Variants in PEAK1 observed in about 807,000 individuals in gnomAD.
The protein encoded by PEAK1 is pseudopodium enriched atypical kinase 1, also known as inactive tyrosine-protein kinase PEAK1.
PEAK1 carries 54 observed loss-of-function variants against 124.7 expected under a neutral mutation model. The observed-to-expected ratio is 0.43, with a 90% CI of 0.35 to 0.54. PEAK1 has a LOEUF of 0.54. PEAK1 is among the 20% of genes least tolerant of loss of function. The pLI, the probability that PEAK1 is intolerant of heterozygous loss-of-function variation, is 0.01. For synonymous variants in PEAK1, 719 were observed against 760.0 expected (o/e 0.95, Z 0.89); for missense variants, 2,046 against 2,134.5 (o/e 0.96, Z 0.82).
At chr15:77,166,902 T>A (rs77281472) in intron 7 of PEAK1, among the ~76,000 whole-genome samples, 3,290 of 152,308 alleles carry the variant, frequency 0.022, 118 homozygotes, top group African/African-American at 0.074. Flanking sequence ...ATTATGCCAA[T>A]GGCTACCAAA....
intron 6 of PEAK1, among the ~76,000 whole-genome samples, chr15:77,218,733 C>T (rs1316090376): frequency 6.6e-6 from 1 of 152,092 alleles, no homozygotes; most frequent in East Asian, 1.9e-4. Flanking sequence ...ATGGCACACA[C>T]CACTGCACTC....
intron 2 of PEAK1, among the ~76,000 whole-genome samples, chr15:77,329,361 A>G (rs1306949434): frequency 1.3e-5 from 2 of 152,166 alleles, no homozygotes; most frequent in East Asian, 3.8e-4. Context: ...AGAACACTCA[A>G]GTTAGGCTTC....
intron 2 of PEAK1, among the ~76,000 whole-genome samples, chr15:77,308,951 A>C (rs995353016): frequency 2.0e-5 from 3 of 152,096 alleles, no homozygotes; most frequent in Admixed American, 2.0e-4. Flanking sequence ...AAAAAAATCC[A>C]AAAAAAGCAG....
At chr15:77,166,175 G>A (rs533413541) in intron 7 of PEAK1, among the ~76,000 whole-genome samples, 132 of 152,282 alleles carry the variant, frequency 8.7e-4, no homozygotes, top group Non-Finnish European at 1.6e-3. Context: ...AATTGAAGCT[G>A]CTCTAGCTAT....
At chr15:77,154,499 T>C (rs1335132743) in intron 8 of PEAK1, among the ~76,000 whole-genome samples, 3 of 152,222 alleles carry the variant, frequency 2.0e-5, no homozygotes, top group Non-Finnish European at 4.4e-5. Flanking sequence ...AAAGTTAATA[T>C]TGTTATGTGT....
intron 6 of PEAK1, among the ~76,000 whole-genome samples, chr15:77,194,134 C>T (rs1054659127): frequency 1.3e-5 from 2 of 152,178 alleles, no homozygotes; most frequent in African/African-American, 4.8e-5. Context: ...GACATTCAGA[C>T]TGGGTCAACT....
intron 1 of PEAK1, among the ~76,000 whole-genome samples, chr15:77,379,541 C>T (rs1440765869): frequency 6.6e-6 from 1 of 152,138 alleles, no homozygotes; most frequent in Non-Finnish European, 1.5e-5. Context: ...GCTGGACATA[C>T]TAGGCTAGGG....
At chr15:77,243,427 T>C (rs2060443872) in intron 6 of PEAK1, among the ~76,000 whole-genome samples, 1 of 152,228 alleles carries the variant, frequency 6.6e-6, no homozygotes, top group Non-Finnish European at 1.5e-5. Flanking sequence ...CATCCGATTA[T>C]TTATTTCTTT....
At chr15:77,358,074 A>ATCT (rs953717929) in intron 2 of PEAK1, among the ~76,000 whole-genome samples, 16 of 152,314 alleles carry the variant, frequency 1.1e-4, no homozygotes, top group African/African-American at 3.9e-4. Context: ...TTCCCTCAGA[A>ATCT]GAAAGAAGCC....
chr15:77,280,111 T>A (rs1348266002), intron 5 of PEAK1, among the ~76,000 whole-genome samples: 9 of 151,844 alleles, frequency 5.9e-5, no homozygotes, highest in Admixed American at 5.9e-4. Flanking sequence ...GAGGCTGAGG[T>A]GGGAGGATCA....
At position 77,110,128 on chromosome 15, in the gene PEAK1, A is replaced by C. The variant is rs547197840; in HGVS notation, c.*4028T>G. On this transcript the variant is annotated 3_prime_UTR_variant, in exon 10 of 10. Coordinates refer to ENST00000682557, the MANE Select transcript of PEAK1 (RefSeq NM_001385026.1). ...ACTTTTTTTTGAGACGAAGTTGCTC[A>C]ATCTCCCAGGCTGGAGTGCGATGGC... 4 of 152,270 alleles carry C rather than the reference A, an allele frequency of 2.6e-5. No homozygotes were observed. The South Asian group carries it at 6.2e-4, about 24-fold the overall frequency. The allele number at this position is 152,270 out of a possible 1,614,324, so 9.4% of individuals were successfully genotyped here.
intron 1 of PEAK1, among the ~76,000 whole-genome samples, chr15:77,375,809 C>T (rs911979242): frequency 1.3e-5 from 2 of 152,070 alleles, no homozygotes; most frequent in African/African-American, 4.8e-5. Flanking sequence ...TCCTGGCTAA[C>T]ACGGTGAAAC....
intron 9 of PEAK1, among the ~76,000 whole-genome samples, chr15:77,120,158 C>T (rs754759646): frequency 2.6e-5 from 4 of 152,160 alleles, no homozygotes; most frequent in Admixed American, 6.5e-5. Flanking sequence ...CCAAAGGTTC[C>T]GTGAAGTGCT....
chr15:77,318,282 T>C (rs2064997123), intron 2 of PEAK1, among the ~76,000 whole-genome samples: 1 of 152,180 alleles, frequency 6.6e-6, no homozygotes, highest in Admixed American at 6.5e-5. Context: ...TTGTAAGATG[T>C]TATGATTGGG....
At chr15:77,141,633 A>G (rs1440084705) in intron 8 of PEAK1, among the ~76,000 whole-genome samples, 1 of 152,224 alleles carries the variant, frequency 6.6e-6, no homozygotes, top group Non-Finnish European at 1.5e-5. Context: ...AACTTATTAC[A>G]AAATTATAGT....
At chr15:77,415,921 T>A (rs1328212263) in intron 1 of PEAK1, among the ~76,000 whole-genome samples, 1 of 152,202 alleles carries the variant, frequency 6.6e-6, no homozygotes, top group East Asian at 1.9e-4. Flanking sequence ...ATTCTCTAAA[T>A]CCCAAGTATC....
intron 7 of PEAK1, among the ~76,000 whole-genome samples, chr15:77,160,402 G>A (rs2055529054): frequency 6.6e-6 from 1 of 152,178 alleles, no homozygotes; most frequent in Non-Finnish European, 1.5e-5. Flanking sequence ...CCCTGGCCAG[G>A]TTCAGTGGCT....
intron 6 of PEAK1, among the ~76,000 whole-genome samples, chr15:77,208,441 TC>T (rs1282449795): frequency 9.2e-5 from 14 of 152,316 alleles, no homozygotes; most frequent in African/African-American, 3.4e-4. Flanking sequence ...CACTCCCTTG[TC>T]TAGAGTCACT....
intron 2 of PEAK1, chr15:77,352,016 T>C (rs1567295874): frequency 2.2e-6 from 2 of 930,082 alleles, no homozygotes; most frequent in Non-Finnish European, 2.6e-6. Flanking sequence ...AGCCCAGGAG[T>C]TCAAGACCAG....
Sources: allele counts gnomAD v4.1 joint callset (sites outside exome capture counted in the v4.1 genomes callset), GRCh38; gene constraint gnomAD v4.1.1; transcripts MANE v1.5; gene names NCBI Gene and HGNC (gene_info 2026-07-23, HGNC 2026-07-21).